Variants in WIPF3 observed in about 807,000 individuals in gnomAD.
WIPF3 encodes WAS/WASL-interacting protein family member 3.
WIPF3 carries 33 observed loss-of-function variants against 38.9 expected under a neutral mutation model. The observed-to-expected ratio is 0.85, with a 90% CI of 0.64 to 1.14. The LOEUF (loss-of-function observed/expected upper bound fraction) is 1.14, where lower values mean the gene tolerates loss of function less well. WIPF3 is among the 50% of genes most tolerant of loss of function. The pLI, the probability that WIPF3 is intolerant of heterozygous loss-of-function variation, is 0.00. For synonymous variants in WIPF3, 324 were observed against 269.3 expected (o/e 1.20, Z -1.99); for missense variants, 711 against 652.5 (o/e 1.09, Z -0.98).
chr7:29,914,594 C>G lies in WIPF3; in HGVS notation c.*78C>G. ...AGACCCCACCCACCCCATGCTCAAG[C>G]TGTAATTCAGTTGGCATACAGGCTT... On this transcript the variant is annotated 3_prime_UTR_variant, in exon 9 of 9. Transcript: ENST00000242140. 9.0e-7 allele frequency: 1 copy of G among 1,109,668 alleles called. No homozygotes were observed. Among genetic ancestry groups the G allele is most frequent in the Non-Finnish European group, 1.2e-6 (1 of 824,074 alleles). 68.7% of individuals were successfully genotyped at this position (1,109,668 alleles called of 1,614,324 possible).
rs1040894588 is a variant in WIPF3, at chr7:29,808,561, A to G, written c.-58+1883A>G. On this transcript the variant is annotated intron_variant, in intron 1 of 8. Coordinates refer to ENST00000242140, the MANE Select transcript of WIPF3 (RefSeq NM_001080529.3). ...ATCGGGGCAGAGCGGTCAGGGTGAC[A>G]GACACTTGTAGGCTGGCTTCCTGCC... Among the ~76,000 whole-genome samples the G allele has an allele frequency of 7.9e-5, 12 of 152,238 alleles. 1 individual carries two copies. The highest frequency in any genetic ancestry group is 7.2e-4 in the Admixed American group (11 of 15,282).
At chr7:29,849,933 CA>C (rs1245497791) in intron 2 of WIPF3, among the ~76,000 whole-genome samples, 1 of 152,172 alleles carries the variant, frequency 6.6e-6, no homozygotes, top group Non-Finnish European at 1.5e-5. Context: ...AAGGGCTTAG[CA>C]TCATCAGAGC....
At chr7:29,815,363 G>A (rs1278769288) in intron 1 of WIPF3, among the ~76,000 whole-genome samples, 1 of 152,184 alleles carries the variant, frequency 6.6e-6, no homozygotes, top group Non-Finnish European at 1.5e-5. Flanking sequence ...TCACCCAAAT[G>A]TGTATGTCTT....
At chr7:29,913,260 C>T (rs1483404527) in intron 8 of WIPF3, among the ~76,000 whole-genome samples, 3 of 150,220 alleles carry the variant, frequency 2.0e-5, no homozygotes, top group Non-Finnish European at 2.9e-5. Flanking sequence ...GCAAGAGAAG[C>T]GCTTGAACCC....
At chr7:29,827,001 G>C (rs1377517203) in intron 1 of WIPF3, among the ~76,000 whole-genome samples, 1 of 152,098 alleles carries the variant, frequency 6.6e-6, no homozygotes, top group Non-Finnish European at 1.5e-5. Flanking sequence ...CTATCTCATT[G>C]GGGTGTCATG....
intron 2 of WIPF3, among the ~76,000 whole-genome samples, chr7:29,837,132 G>A (rs1784817019): frequency 6.6e-6 from 1 of 152,172 alleles, no homozygotes; most frequent in African/African-American, 2.4e-5. Context: ...GAGGCAAGTG[G>A]ATCACGAGGT....
chr7:29,913,822 CTACCAACG>C (rs1786551321), intron 8 of WIPF3, among the ~76,000 whole-genome samples: 7 of 152,220 alleles, frequency 4.6e-5, no homozygotes, highest in African/African-American at 1.7e-4. Context: ...ATCCTCCTCA[CTACCAACG>C]TGTCACACAC....
At chr7:29,911,817 A>G (rs10267608) in intron 8 of WIPF3, among the ~76,000 whole-genome samples, 4,848 of 152,224 alleles carry the variant, frequency 0.032, 96 homozygotes, top group Middle Eastern at 0.1. Flanking sequence ...AGGACCTGAA[A>G]CTGTAAAACT....
chr7:29,853,314 A>G (rs575181095), intron 2 of WIPF3, among the ~76,000 whole-genome samples: 1 of 152,188 alleles, frequency 6.6e-6, no homozygotes, highest in African/African-American at 2.4e-5. Context: ...CCCAGAGGGG[A>G]GGTGAAGTCA....
intron 7 of WIPF3, among the ~76,000 whole-genome samples, chr7:29,903,608 T>C (rs1259105937): frequency 2.6e-5 from 4 of 152,136 alleles, no homozygotes; most frequent in Non-Finnish European, 2.9e-5. Context: ...GGGAGAGTTC[T>C]GGAACACCTG....
At chr7:29,873,724 T>C (rs1785537572) in intron 2 of WIPF3, among the ~76,000 whole-genome samples, 1 of 152,202 alleles carries the variant, frequency 6.6e-6, no homozygotes. Flanking sequence ...CATAAGTCCC[T>C]CTCAGGGGTT....
chr7:29,845,889 A>G (rs993084057), intron 2 of WIPF3, among the ~76,000 whole-genome samples: 2 of 152,216 alleles, frequency 1.3e-5, no homozygotes, highest in African/African-American at 2.4e-5. Context: ...AGGCAAACCC[A>G]CTATGAGCTA....
intron 7 of WIPF3, among the ~76,000 whole-genome samples, chr7:29,891,910 G>A (rs1340819999): frequency 1.3e-5 from 2 of 152,202 alleles, no homozygotes; most frequent in Non-Finnish European, 2.9e-5. Context: ...AGACCCAGGA[G>A]AGAGTGTGAT....
chr7:29,847,602 G>A (rs1428852082), intron 2 of WIPF3, among the ~76,000 whole-genome samples: 1 of 151,980 alleles, frequency 6.6e-6, no homozygotes, highest in Non-Finnish European at 1.5e-5. Context: ...CTAATAGACT[G>A]AACAGGGGAA....
intron 2 of WIPF3, among the ~76,000 whole-genome samples, chr7:29,873,058 A>G (rs1785527304): frequency 6.6e-6 from 1 of 152,186 alleles, no homozygotes; most frequent in Non-Finnish European, 1.5e-5. Flanking sequence ...GGCATGTCCA[A>G]AGTTAAAATC....
At chr7:29,894,393 A>T (rs771490263) in intron 7 of WIPF3, among the ~76,000 whole-genome samples, 13 of 152,214 alleles carry the variant, frequency 8.5e-5, no homozygotes, top group Non-Finnish European at 1.6e-4. Context: ...ATGAACTGAC[A>T]TTGTACAGAC....
intron 2 of WIPF3, among the ~76,000 whole-genome samples, chr7:29,836,151 G>T (rs1156713850): frequency 6.6e-6 from 1 of 152,276 alleles, no homozygotes; most frequent in East Asian, 1.9e-4. Flanking sequence ...CAAAGAATAG[G>T]AATAGGTATT....
chr7:29,851,039 C>T (rs1298758341), intron 2 of WIPF3, among the ~76,000 whole-genome samples: 1 of 152,204 alleles, frequency 6.6e-6, no homozygotes, highest in Non-Finnish European at 1.5e-5. Flanking sequence ...AGTCCCCTCT[C>T]CCCCAGTCCT....
intron 7 of WIPF3, among the ~76,000 whole-genome samples, chr7:29,900,737 C>G (rs1400306318): frequency 6.6e-6 from 1 of 152,244 alleles, no homozygotes; most frequent in Non-Finnish European, 1.5e-5. Flanking sequence ...CCTTCCTGTA[C>G]AGCTAGAGAA....
Sources: allele counts gnomAD v4.1 joint callset (sites outside exome capture counted in the v4.1 genomes callset), GRCh38; gene constraint gnomAD v4.1.1; transcripts MANE v1.5; gene names NCBI Gene and HGNC (gene_info 2026-07-23, HGNC 2026-07-21).